The following BBS5 variants were observed in gnomAD, a reference collection of about 807,000 sequenced individuals.
The protein encoded by BBS5 is BBSome complex member BBS5.
BBS5 carries 39 observed loss-of-function variants against 50.2 expected under a neutral mutation model. The ratio of observed to expected loss-of-function variants is 0.78; its 90% CI spans 0.60 to 1.01. The LOEUF is 1.01. Among genes scored for constraint, BBS5 ranks in the 50% least tolerant of loss-of-function variants. BBS5 has a pLI of 0.00. For missense variants in BBS5, 356 were observed against 401.5 expected, an observed-to-expected ratio of 0.89 and a Z score of 0.97; for synonymous variants, 134 against 133.1, an observed-to-expected ratio of 1.01 and a Z score of -0.05.
At chr2:169,492,552 C>G (rs963668668) in intron 5 of BBS5, among the ~76,000 whole-genome samples, 1 of 151,034 alleles carries the variant, frequency 6.6e-6, no homozygotes, top group Non-Finnish European at 1.5e-5. Context: ...ATGACAAATT[C>G]TACAAAAAAC....
At position 169,505,108 on chromosome 2, in the gene BBS5, C is replaced by G. The variant is rs898773746; in HGVS notation, c.*526C>G. The G allele has an allele frequency of 2.0e-5, 19 of 931,790 alleles. No individual in the cohort carries two copies. The Admixed American group carries it at 3.4e-4, about 17-fold the overall frequency. 57.7% of individuals were successfully genotyped at this position (931,790 alleles called of 1,614,324 possible). A position where few individuals can be genotyped will look rare whatever the true frequency, so the allele number is the denominator to read the frequency against. On this transcript the variant is annotated 3_prime_UTR_variant, in exon 12 of 12. Coordinates refer to ENST00000295240, the MANE Select transcript of BBS5 (RefSeq NM_152384.3). ...TGCCTGCGATTACAGGCGCGCGCCGCCACACCTGACTGGTTTTCGTATTTT... is the reference window on the plus strand; with the variant it reads ...TGCCTGCGATTACAGGCGCGCGCCGGCACACCTGACTGGTTTTCGTATTTT...
At chr2:169,490,924 G>A (rs1184786136) in intron 5 of BBS5, among the ~76,000 whole-genome samples, 1 of 152,074 alleles carries the variant, frequency 6.6e-6, no homozygotes, top group African/African-American at 2.4e-5. Flanking sequence ...GGCCTTTTAT[G>A]TCTGACCTCT....
Position 169,499,540 on chromosome 2 carries a change from T to G in BBS5, c.736T>G (p.Ser246Ala), listed in dbSNP as rs373877063. 3.1e-6 allele frequency: 5 copies of G among 1,613,302 alleles called. No homozygotes were observed. The African/African-American group carries it at 6.7e-5, about 22-fold the overall frequency. Residue 246 changes from serine (S) to alanine (A), a missense_variant, in exon 9 of 12, where the codon TCA (serine) becomes GCA (alanine). Transcript: ENST00000295240. Reference protein sequence around the residue: ...KIDPVEKLQESVKEINSLHKV... With the variant: ...KIDPVEKLQEAVKEINSLHKV... ...AGATCCTGTGGAAAAACTACAAGAA[T>G]CAGTTAAGGAAATCAATTCACTTCA...
chr2:169,493,297 A>T (rs760439160), intron 6 of BBS5, among the ~76,000 whole-genome samples: 11 of 152,174 alleles, frequency 7.2e-5, no homozygotes, highest in Non-Finnish European at 1.6e-4. Flanking sequence ...CTCCGCTCCT[A>T]TCCTTATAAA....
Position 169,487,632 on chromosome 2 carries a change from GT to G in BBS5, c.209-167del, listed in dbSNP as rs1210030457. The G allele has an allele frequency of 8.3e-6, 4 of 484,508 alleles. No homozygotes were observed. The South Asian group carries it at 1.6e-4, about 20-fold the overall frequency. 30.0% of individuals were successfully genotyped at this position (484,508 alleles called of 1,614,324 possible). ...TCAAGGAGACAGAATTGACCCTCTA[GT>G]TTTTTTAATTATTTAATTTATAGTT... On this transcript the variant is annotated intron_variant, in intron 3 of 11. Transcript: ENST00000295240.
In BBS5 at chr2:169,505,217, G is replaced by A. The variant is rs962082735; in HGVS notation, c.*635G>A. 1.6e-5 allele frequency: 8 copies of A among 502,916 alleles called. No homozygotes were observed. Among genetic ancestry groups the A allele is most frequent in the East Asian group, 1.2e-4 (3 of 25,758 alleles). 31.2% of individuals were successfully genotyped at this position (502,916 alleles called of 1,614,324 possible). A position where few individuals can be genotyped will look rare whatever the true frequency, so the allele number is the denominator to read the frequency against. On this transcript the variant is annotated 3_prime_UTR_variant, in exon 12 of 12. Coordinates refer to ENST00000295240, the MANE Select transcript of BBS5 (RefSeq NM_152384.3). ...AGTGATCCGCCAGCCTCGGCCTCCCGAGGTGCCGGGATTGCAGACGGAGTC... is the reference window on the plus strand; with the variant it reads ...AGTGATCCGCCAGCCTCGGCCTCCCAAGGTGCCGGGATTGCAGACGGAGTC...
At position 169,504,802 on chromosome 2, in the gene BBS5, G is replaced by C. The variant is rs147310933; in HGVS notation, c.*220G>C. The C allele has an allele frequency of 7.7e-6, 12 of 1,553,256 alleles. No homozygotes were observed. Among genetic ancestry groups the C allele is most frequent in the South Asian group, 3.5e-5 (3 of 85,642 alleles). ...GCGACACATGGCCTAGTAACCGTCC[G>C]GCCGCGGCGCTGGCTTAAGCCATGG... On this transcript the variant is annotated 3_prime_UTR_variant, in exon 12 of 12. Coordinates refer to ENST00000295240, the MANE Select transcript of BBS5 (RefSeq NM_152384.3).
Position 169,482,368 on chromosome 2 carries a change from G to T in BBS5, c.142+35G>T, listed in dbSNP as rs747650260. 2.4e-5 allele frequency: 31 copies of T among 1,313,138 alleles called. No individual in the cohort carries two copies. In the Middle Eastern group the frequency reaches 1.5e-3, roughly 62 times the overall value. The allele number at this position is 1,313,138 out of a possible 1,614,324, so 81.3% of individuals were successfully genotyped here. ...TTTTTAAATGTATCTTATATTCCTG[G>T]TTTAATTTACAAATGTTGAATCATA... On this transcript the variant is annotated intron_variant, in intron 2 of 11. Transcript: ENST00000295240.
At chr2:169,500,727 A>G (rs566596349) in intron 9 of BBS5, among the ~76,000 whole-genome samples, 51 of 152,232 alleles carry the variant, frequency 3.4e-4, no homozygotes, top group Non-Finnish European at 5.4e-4. Flanking sequence ...CGAATTCCAT[A>G]TATTTCTCCT....
chr2:169,482,536 T>C, intron 2 of BBS5: 1 of 544,304 alleles, frequency 1.8e-6, no homozygotes, highest in Non-Finnish European at 3.3e-6. Context: ...CAGTAAGTCC[T>C]GGTTCTAACA....
chr2:169,501,979 G>A (rs1683813305), intron 9 of BBS5, among the ~76,000 whole-genome samples: 1 of 152,004 alleles, frequency 6.6e-6, no homozygotes, highest in Non-Finnish European at 1.5e-5. Context: ...CATCTCTTCA[G>A]GATCTTCCCT....
At chr2:169,484,964 T>G (rs1383913309) in intron 2 of BBS5, among the ~76,000 whole-genome samples, 1 of 146,468 alleles carries the variant, frequency 6.8e-6, no homozygotes, top group Non-Finnish European at 1.5e-5. Flanking sequence ...TAGGCTGGGG[T>G]TCTTCAGCAG....
chr2:169,486,917 G>C (rs1398733764), intron 2 of BBS5, 152 bp from the exon 3 acceptor site: 1 of 681,306 alleles, frequency 1.5e-6, no homozygotes, highest in African/African-American at 1.8e-5. Flanking sequence ...ACCTTATATA[G>C]GTTGGATATG....
At chr2:169,493,672 G>C in intron 6 of BBS5, 69 bp from the exon 7 acceptor site, 1 of 1,070,444 alleles carries the variant, frequency 9.3e-7, no homozygotes, top group Non-Finnish European at 1.5e-6. Flanking sequence ...AGTTATTCTG[G>C]TGATTAGAAA....
intron 7 of BBS5, among the ~76,000 whole-genome samples, chr2:169,494,214 A>G (rs1574340139): frequency 6.6e-6 from 1 of 152,188 alleles, no homozygotes; most frequent in East Asian, 1.9e-4. Context: ...TAGATTTAGC[A>G]CACTGATCCA....
intron 3 of BBS5, 40 bp downstream of exon 3, chr2:169,487,174 C>A (rs1683501097): frequency 7.1e-7 from 1 of 1,417,988 alleles, no homozygotes. Flanking sequence ...AAAAAAAATC[C>A]TTTGTCAGGT....
In BBS5 at chr2:169,487,849, TAACTCTGTAAGTCTAAAAA is replaced by T. The variant is rs759546241; in HGVS notation, c.254_258+14del. 6.2e-7 allele frequency: 1 copy of T among 1,605,938 alleles called. No homozygotes were observed. Among genetic ancestry groups the T allele is most frequent in the Non-Finnish European group, 8.5e-7 (1 of 1,173,304 alleles). On this transcript the variant is annotated splice_donor_variant and splice_donor_5th_base_variant and coding_sequence_variant and intron_variant, in exon 4 of 12. Transcript: ENST00000295240. LOFTEE classifies it high-confidence loss of function. ...TATTGAATATTACAACAAGGACTGC[TAACTCTGTAAGTCTAAAAA>T]ATCTTATTGCAATATATATATAGTA...
chr2:169,500,107 C>T (rs1385893159), intron 9 of BBS5, among the ~76,000 whole-genome samples: 1 of 152,200 alleles, frequency 6.6e-6, no homozygotes, highest in Non-Finnish European at 1.5e-5. Context: ...TTTGCATATC[C>T]TGCCCACATG....
At chr2:169,496,177 C>T (rs944016695) in intron 7 of BBS5, among the ~76,000 whole-genome samples, 1 of 152,112 alleles carries the variant, frequency 6.6e-6, no homozygotes, top group Admixed American at 6.6e-5. Context: ...CCGTGATTCT[C>T]CCCTACCCTG....
Sources: allele counts gnomAD v4.1 joint callset (sites outside exome capture counted in the v4.1 genomes callset), GRCh38; gene constraint gnomAD v4.1.1; transcripts MANE v1.5; gene names NCBI Gene and HGNC (gene_info 2026-07-23, HGNC 2026-07-21).